Variants in PTPRB observed in about 807,000 individuals in gnomAD.
PTPRB encodes the protein receptor-type tyrosine-protein phosphatase beta.
Under a neutral mutation model 238.1 loss-of-function variants are expected in PTPRB, and 97 were observed. That is an observed-to-expected ratio of 0.41 (90% confidence interval 0.35 to 0.48). PTPRB has a LOEUF of 0.48. PTPRB is among the 20% of genes least tolerant of loss of function. The probability of loss-of-function intolerance (pLI) is 0.30; values close to 1 mark genes in which losing one functional copy is unlikely to be tolerated. For synonymous variants in PTPRB, 970 were observed against 995.4 expected (o/e 0.97, Z 0.48); for missense variants, 2,292 against 2,681.9 (o/e 0.85, Z 3.21).
intron 3 of PTPRB, among the ~76,000 whole-genome samples, chr12:70,613,384 G>T (rs953922658): frequency 6.6e-6 from 1 of 152,002 alleles, no homozygotes; most frequent in Admixed American, 6.6e-5. Context: ...GCCAGGCTCT[G>T]GTATAGGTTT....
Position 70,562,287 on chromosome 12 carries a change from C to A in PTPRB, c.4168+557G>T, listed in dbSNP as rs150546486. On this transcript the variant is annotated intron_variant, in intron 16 of 33. Coordinates refer to ENST00000334414, the MANE Select transcript of PTPRB (RefSeq NM_001109754.4). Reference sequence around the variant, plus strand: ...CAACAGAGTGAGAACTCGTCCCCCCCCAAAACATTTTTTTTTGAACAGGAG... The same window carrying A: ...CAACAGAGTGAGAACTCGTCCCCCCACAAAACATTTTTTTTTGAACAGGAG... 7.4e-3 allele frequency among the ~76,000 whole-genome samples: 1,125 copies of A among 151,062 alleles called. 18 individuals are homozygous for A. Among genetic ancestry groups the A allele is most frequent in the African/African-American group, 0.026 (1,059 of 40,494 alleles).
At chr12:70,556,186 A>T (rs962517485) in intron 18 of PTPRB, 38 bp from the exon 19 acceptor site, 1 of 1,541,522 alleles carries the variant, frequency 6.5e-7, no homozygotes, top group Non-Finnish European at 8.7e-7. Flanking sequence ...TTCAGAACTC[A>T]GGGAGAATTT....
chr12:70,586,573 T>A (rs1308420947), intron 9 of PTPRB, among the ~76,000 whole-genome samples: 2 of 152,216 alleles, frequency 1.3e-5, no homozygotes, highest in Non-Finnish European at 1.5e-5. Context: ...TGCCTACTCA[T>A]GGAATAACTG....
intron 21 of PTPRB, among the ~76,000 whole-genome samples, chr12:70,550,790 G>A (rs1173988980): frequency 6.6e-6 from 1 of 152,028 alleles, no homozygotes; most frequent in African/African-American, 2.4e-5. Context: ...AACTAAATCA[G>A]CTTCAGTTTT....
chr12:70,613,904 C>G (rs1884568435), intron 3 of PTPRB, among the ~76,000 whole-genome samples: 1 of 151,894 alleles, frequency 6.6e-6, no homozygotes, highest in Non-Finnish European at 1.5e-5. Context: ...AAATACTATC[C>G]TGGAAGGGAA....
At position 70,626,792 on chromosome 12, in the gene PTPRB, T is replaced by A. The variant is rs2717423; in HGVS notation, c.452-4146A>T. ...ACACACACATACACACGTGTGTGTGTGTGCATTAAATAAGACTTGACTGGA... is the reference window on the plus strand; with the variant it reads ...ACACACACATACACACGTGTGTGTGAGTGCATTAAATAAGACTTGACTGGA... On this transcript the variant is annotated intron_variant, in intron 2 of 33. Transcript: ENST00000334414. Among the ~76,000 whole-genome samples, 560 of 151,826 alleles carry A rather than the reference T, an allele frequency of 3.7e-3. 3 individuals carry two copies. Among genetic ancestry groups the A allele is most frequent in the African/African-American group, 0.013 (551 of 41,390 alleles).
intron 18 of PTPRB, among the ~76,000 whole-genome samples, chr12:70,557,020 A>T (rs1877787072): frequency 6.6e-6 from 1 of 152,222 alleles, no homozygotes. Context: ...AACATACCAG[A>T]AGAAATGGTG....
rs769931378 is a variant in PTPRB, at chr12:70,576,498, G to A, written c.2726C>T (p.Ala909Val). ...DGKVVQSLVI[A>V]KSVRECSFSS... is the part of the protein sequence containing the mutation. ...GAAGGAACATTCTCTGACAGACTTGGCAATGACAAGGGACTGAACCACCTT... is the reference window on the plus strand; with the variant it reads ...GAAGGAACATTCTCTGACAGACTTGACAATGACAAGGGACTGAACCACCTT... Residue 909 changes from alanine to valine, a missense_variant, in exon 11 of 34, where the codon GCC becomes GTC. Around this residue, in one of 4 missense-constraint regions of PTPRB, gnomAD observed 1,205 missense variants for 1,287.8 expected, o/e 0.94. Transcript: ENST00000334414. 3 of 1,579,594 alleles carry A rather than the reference G, an allele frequency of 1.9e-6. No individual in the cohort carries two copies. The South Asian group carries it at 3.5e-5, about 18-fold the overall frequency.
chr12:70,522,710 AATAG>A (rs1277335816), intron 33 of PTPRB: 4 of 128,706 alleles, frequency 3.1e-5, no homozygotes, highest in Non-Finnish European at 6.5e-5. Flanking sequence ...AATACAAAAA[AATAG>A]AAGGAAAAAT....
chr12:70,551,187 C>T (rs1343243171), intron 21 of PTPRB, among the ~76,000 whole-genome samples: 7 of 152,324 alleles, frequency 4.6e-5, no homozygotes, highest in African/African-American at 1.4e-4. Context: ...TGAGCCTCCA[C>T]GCCCAGCCGC....
At chr12:70,575,324 A>C (rs1256761745) in intron 11 of PTPRB, among the ~76,000 whole-genome samples, 1 of 152,208 alleles carries the variant, frequency 6.6e-6, no homozygotes, top group Non-Finnish European at 1.5e-5. Context: ...TCCTGTAACA[A>C]TATAAATCAG....
intron 6 of PTPRB, among the ~76,000 whole-genome samples, chr12:70,593,549 AC>A (rs1360894413): frequency 6.7e-6 from 1 of 149,382 alleles, no homozygotes; most frequent in Non-Finnish European, 1.5e-5. Flanking sequence ...AAGAATGGGC[AC>A]AGCACTCTGA....
chr12:70,521,543 C>A (rs1285122428), intron 33 of PTPRB, 32 bp from the exon 34 acceptor site: 1 of 1,512,136 alleles, frequency 6.6e-7, no homozygotes, highest in Admixed American at 2.3e-5. Flanking sequence ...TTAGAGACTG[C>A]CGCAGGGTGT....
At chr12:70,561,922 C>T (rs1878533913) in intron 16 of PTPRB, among the ~76,000 whole-genome samples, 1 of 152,210 alleles carries the variant, frequency 6.6e-6, no homozygotes, top group South Asian at 2.1e-4. Context: ...CAGCAGTGGG[C>T]CATGTGCCTG....
At position 70,636,202 on chromosome 12, in the gene PTPRB, G is replaced by A. The variant is rs1445127364; in HGVS notation, c.56-136C>T. 6.5e-6 allele frequency: 6 copies of A among 922,420 alleles called. No individual in the cohort carries two copies. The East Asian group carries it at 8.2e-5, about 13-fold the overall frequency. The allele number at this position is 922,420 out of a possible 1,614,324, so 57.1% of individuals were successfully genotyped here. Reference sequence around the variant, plus strand: ...TTTTGTTATTTCTATCATTTCAAGTGAACATTCTCATATTTAACACATGTG... The same window carrying A: ...TTTTGTTATTTCTATCATTTCAAGTAAACATTCTCATATTTAACACATGTG... On this transcript the variant is annotated intron_variant, in intron 1 of 33. Transcript: ENST00000334414.
rs543817374 is a variant in PTPRB at position 70,576,443 on chromosome 12, G to T, written c.2781C>A (p.Thr927=). 81 of 1,607,454 alleles carry T rather than the reference G, an allele frequency of 5.0e-5. No individual in the cohort carries two copies. The highest frequency in any genetic ancestry group is 6.5e-5 in the Non-Finnish European group (77 of 1,176,962). Residue 927 remains threonine (T), a synonymous_variant, in exon 11 of 34, where the codon ACC becomes ACA. Coordinates refer to ENST00000334414, the MANE Select transcript of PTPRB (RefSeq NM_001109754.4). ...FSSLTPGRLY[T]VTITTRSGKY... is the part of the protein sequence containing the mutation. ...TGCCACTCCTTGTAGTTATGGTCAC[G>T]GTGTAGAGGCGGCCTGGGGTGAGGG... is the stretch of plus-strand genomic sequence containing the variant.
At chr12:70,545,411 A>G (rs1177460041) in intron 21 of PTPRB, among the ~76,000 whole-genome samples, 2 of 152,334 alleles carry the variant, frequency 1.3e-5, no homozygotes, top group African/African-American at 4.8e-5. Context: ...TTCTAATATC[A>G]TATTTATTGT....
Position 70,538,177 on chromosome 12 carries a change from T to A in PTPRB, c.5924A>T (p.Tyr1975Phe). 1 of 1,613,748 alleles carries A rather than the reference T, an allele frequency of 6.2e-7. No homozygotes were observed. Among genetic ancestry groups the A allele is most frequent in the East Asian group, 2.2e-5 (1 of 44,880 alleles). ...TACAGGGATGTAGCTGGCATTGATG[T>A]AGTCAGAGCAAGGATCATCATCTAC... Reference protein sequence around the residue: ...SNVDDDPCSDYINASYIPGNN... With the variant: ...SNVDDDPCSDFINASYIPGNN... The change falls in exon 28 of 34, where the codon TAC becomes TTC. Residue 1975 changes from tyrosine to phenylalanine, a missense_variant. Transcript: ENST00000334414.
chr12:70,538,292 T>A, intron 27 of PTPRB, 61 bp from the exon 28 acceptor site: 2 of 1,416,654 alleles, frequency 1.4e-6, no homozygotes, highest in Non-Finnish European at 2.0e-6. Flanking sequence ...ATGTGATGTG[T>A]GTGATGTGCC....
Sources: allele counts gnomAD v4.1 joint callset (sites outside exome capture counted in the v4.1 genomes callset), GRCh38; gene constraint gnomAD v4.1.1; regional missense constraint gnomAD v4.1.1; transcripts MANE v1.5; gene names NCBI Gene and HGNC (gene_info 2026-07-23, HGNC 2026-07-21).